Variants in CDH13 observed in about 807,000 individuals in gnomAD.
CDH13 encodes cadherin-13.
A neutral mutation model predicts 63.8 loss-of-function variants in CDH13; 24 were observed. The ratio of observed to expected loss-of-function variants is 0.38; its 90% CI spans 0.27 to 0.53. The LOEUF (loss-of-function observed/expected upper bound fraction) is 0.53, where lower values mean the gene tolerates loss of function less well. Ranked by LOEUF, CDH13 falls within the 20% of genes least tolerant of loss-of-function variation. The pLI is 0.85. For missense variants in CDH13, 1,049 were observed against 903.1 expected, an observed-to-expected ratio of 1.16 and a Z score of -2.07; for synonymous variants, 503 against 355.3, an observed-to-expected ratio of 1.42 and a Z score of -4.67.
At chr16:83,016,747 A>G (rs1342670157) in intron 2 of CDH13, among the ~76,000 whole-genome samples, 1 of 152,140 alleles carries the variant, frequency 6.6e-6, no homozygotes, top group African/African-American at 2.4e-5. Flanking sequence ...GCACAAGGCC[A>G]TCTCTGCTTA....
intron 4 of CDH13, among the ~76,000 whole-genome samples, chr16:83,172,251 G>T (rs553750022): frequency 6.6e-6 from 1 of 152,244 alleles, no homozygotes; most frequent in Admixed American, 6.5e-5. Flanking sequence ...AGCACTTTGG[G>T]AGGCCGAGGC....
At chr16:83,427,418 G>A (rs188273842) in intron 6 of CDH13, among the ~76,000 whole-genome samples, 1 of 152,062 alleles carries the variant, frequency 6.6e-6, no homozygotes, top group African/African-American at 2.4e-5. Flanking sequence ...AAGGAATGTG[G>A]GTAGCCTCAA....
intron 2 of CDH13, among the ~76,000 whole-genome samples, chr16:82,928,192 G>A (rs2042365743): frequency 6.6e-6 from 1 of 151,290 alleles, no homozygotes; most frequent in African/African-American, 2.4e-5. Flanking sequence ...GTGTGTGTAT[G>A]CGTGTGTAAT....
At chr16:82,815,735 T>C (rs2037674301) in intron 1 of CDH13, among the ~76,000 whole-genome samples, 2 of 152,190 alleles carry the variant, frequency 1.3e-5, no homozygotes, top group Non-Finnish European at 2.9e-5. Context: ...AGACTATCAC[T>C]TTGTTGGCCA....
At chr16:83,309,271 C>G (rs75586590) in intron 5 of CDH13, among the ~76,000 whole-genome samples, 10,964 of 152,218 alleles carry the variant, frequency 0.072, 556 homozygotes, top group Non-Finnish European at 0.11. Flanking sequence ...GTACTGGGAT[C>G]TTTGGGAAAA....
At chr16:83,466,203 T>C (rs2073311099) in intron 6 of CDH13, among the ~76,000 whole-genome samples, 1 of 152,178 alleles carries the variant, frequency 6.6e-6, no homozygotes, top group Non-Finnish European at 1.5e-5. Context: ...CATTCAAAAG[T>C]TGGAAGGTAG....
intron 4 of CDH13, among the ~76,000 whole-genome samples, chr16:83,213,772 G>C (rs1437065038): frequency 6.6e-6 from 1 of 152,128 alleles, no homozygotes; most frequent in Non-Finnish European, 1.5e-5. Flanking sequence ...GGACTTCCTG[G>C]GTGGAGTGGG....
chr16:82,755,999 A>G (rs2034599020), intron 1 of CDH13, among the ~76,000 whole-genome samples: 2 of 152,214 alleles, frequency 1.3e-5, no homozygotes, highest in Non-Finnish European at 2.9e-5. Flanking sequence ...AGAGCGTTCT[A>G]GGAGGAGTGA....
intron 7 of CDH13, among the ~76,000 whole-genome samples, chr16:83,534,231 G>A (rs544986703): frequency 1.3e-4 from 20 of 152,298 alleles, no homozygotes; most frequent in African/African-American, 4.6e-4. Context: ...GAGCGCATTA[G>A]GAAGGTGGTC....
chr16:83,511,717 G>A (rs893139561), intron 7 of CDH13, among the ~76,000 whole-genome samples: 11 of 152,154 alleles, frequency 7.2e-5, no homozygotes, highest in African/African-American at 2.2e-4. Context: ...TATCCTAGAA[G>A]TCCTATTGAA....
At chr16:82,833,108 A>C (rs1030938004) in intron 1 of CDH13, among the ~76,000 whole-genome samples, 6 of 152,204 alleles carry the variant, frequency 3.9e-5, no homozygotes, top group Non-Finnish European at 7.3e-5. Flanking sequence ...ACAGAAGGAG[A>C]GCCAATGTGA....
At chr16:83,233,119 A>C (rs1238544400) in intron 5 of CDH13, among the ~76,000 whole-genome samples, 1 of 152,214 alleles carries the variant, frequency 6.6e-6, no homozygotes, top group African/African-American at 2.4e-5. Flanking sequence ...TTCCTAAGTA[A>C]ACAAAATAAT....
chr16:82,869,118 C>T lies in CDH13; in HGVS notation c.157+10645C>T, dbSNP rs145324149. The stretch of plus-strand genomic sequence containing the variant: ...CTGGAGTGCAGTGGCGCAATCTCAA[C>T]TCACTGCAACCTCTGCCTCCTGGGT... On this transcript the variant is annotated intron_variant, in intron 2 of 13. Transcript: ENST00000567109. Among the ~76,000 whole-genome samples, 154 of 152,304 alleles carry T rather than the reference C, an allele frequency of 1.0e-3. 3 individuals are homozygous for T. In the East Asian group the frequency reaches 0.028, roughly 27 times the overall value.
chr16:83,352,220 A>G (rs2090967763), intron 6 of CDH13, among the ~76,000 whole-genome samples: 1 of 151,992 alleles, frequency 6.6e-6, no homozygotes, highest in African/African-American at 2.4e-5. Context: ...AACACGTTTT[A>G]TGAAAGAGTT....
chr16:83,645,776 CAGG>C (rs1322273064), intron 8 of CDH13, among the ~76,000 whole-genome samples: 1 of 152,012 alleles, frequency 6.6e-6, no homozygotes, highest in East Asian at 1.9e-4. Flanking sequence ...GCAGGGAAAA[CAGG>C]AGGAGAGGAG....
At chr16:83,124,749 G>C (rs1399900618) in intron 3 of CDH13, among the ~76,000 whole-genome samples, 1 of 151,880 alleles carries the variant, frequency 6.6e-6, no homozygotes, top group East Asian at 1.9e-4. Flanking sequence ...TTTCCATATG[G>C]GTGTTTAGGC....
At chr16:82,895,999 C>G (rs749342183) in intron 2 of CDH13, among the ~76,000 whole-genome samples, 2 of 152,144 alleles carry the variant, frequency 1.3e-5, no homozygotes, top group Non-Finnish European at 2.9e-5. Flanking sequence ...TGCTTCCTGT[C>G]ATTCAGTTCT....
chr16:82,996,459 C>G (rs1157797061), intron 2 of CDH13, among the ~76,000 whole-genome samples: 1 of 152,150 alleles, frequency 6.6e-6, no homozygotes, highest in Non-Finnish European at 1.5e-5. Context: ...CCTGCTTTAT[C>G]TCTCTGCCGG....
chr16:82,982,211 C>T (rs757098769), intron 2 of CDH13, among the ~76,000 whole-genome samples: 11 of 152,044 alleles, frequency 7.2e-5, no homozygotes, highest in Non-Finnish European at 1.6e-4. Flanking sequence ...ACCAATTTCA[C>T]AAGCTCTGTA....
Sources: allele counts gnomAD v4.1 joint callset (sites outside exome capture counted in the v4.1 genomes callset), GRCh38; gene constraint gnomAD v4.1.1; transcripts MANE v1.5; gene names NCBI Gene and HGNC (gene_info 2026-07-23, HGNC 2026-07-21).